Variants in PCDHA9 observed in about 807,000 individuals in gnomAD.
PCDHA9 encodes protocadherin alpha-9.
PCDHA9 carries 62 observed loss-of-function variants against 62.0 expected under a neutral mutation model. The observed-to-expected ratio is 1.00, with a 90% CI of 0.81 to 1.23. The LOEUF (loss-of-function observed/expected upper bound fraction) is 1.23. PCDHA9 is among the 50% of genes most tolerant of loss of function. The pLI is 0.00. For synonymous variants in PCDHA9, 557 were observed against 567.6 expected, an observed-to-expected ratio of 0.98 and a Z score of 0.27; for missense variants, 1,205 against 1,249.8, an observed-to-expected ratio of 0.96 and a Z score of 0.54.
At chr5:140,910,699 C>T (rs2075133738) in intron 1 of PCDHA9, among the ~76,000 whole-genome samples, 1 of 152,180 alleles carries the variant, frequency 6.6e-6, no homozygotes. Flanking sequence ...AGCTTGCTCA[C>T]AGTGGGCCAT....
intron 1 of PCDHA9, chr5:140,877,081 G>A: frequency 6.2e-7 from 1 of 1,613,120 alleles, no homozygotes; most frequent in Non-Finnish European, 8.5e-7. Flanking sequence ...CCAGGTGAGC[G>A]CGCGCGACGC....
rs556069691 is a variant in PCDHA9 at position 140,951,526 on chromosome 5, G to A, written c.2395-27423G>A. Among the ~76,000 whole-genome samples the A allele has an allele frequency of 7.4e-4, 112 of 152,076 alleles. 1 individual carries two copies. The highest frequency in any genetic ancestry group is 2.6e-3 in the African/African-American group (107 of 41,516). ...GGAAAGCGGCTCATCTTACATGGCC[G>A]GTGCAGGAGCAAGGGACGGGGGGAA... is the stretch of plus-strand genomic sequence containing the variant. On this transcript the variant is annotated intron_variant, in intron 1 of 3. Transcript: ENST00000532602.
At chr5:140,958,547 A>C (rs528303266) in intron 1 of PCDHA9, among the ~76,000 whole-genome samples, 3 of 152,308 alleles carry the variant, frequency 2.0e-5, no homozygotes, top group East Asian at 3.9e-4. Flanking sequence ...TTTATGAACC[A>C]ATAAATGTTT....
chr5:140,873,437 T>C (rs1554166716), intron 1 of PCDHA9, among the ~76,000 whole-genome samples: 1 of 152,200 alleles, frequency 6.6e-6, no homozygotes, highest in Non-Finnish European at 1.5e-5. Flanking sequence ...TTATATCACA[T>C]AAATAACAAA....
At chr5:140,891,052 A>T (rs1554184638) in intron 1 of PCDHA9, among the ~76,000 whole-genome samples, 1 of 152,200 alleles carries the variant, frequency 6.6e-6, no homozygotes, top group Non-Finnish European at 1.5e-5. Flanking sequence ...CCCACAGCAC[A>T]TAGTAAATAT....
chr5:140,875,388 G>A, intron 1 of PCDHA9: 5 of 1,468,696 alleles, frequency 3.4e-6, no homozygotes, highest in Non-Finnish European at 4.5e-6. Flanking sequence ...TGTACTTACA[G>A]AAAAGGGTGA....
chr5:140,928,125 C>T, intron 1 of PCDHA9: 2 of 1,614,154 alleles, frequency 1.2e-6, no homozygotes, highest in Non-Finnish European at 1.7e-6. Context: ...TCAGTGAATA[C>T]CAAGTCCTGA....
intron 1 of PCDHA9, chr5:140,926,516 G>C: frequency 5.0e-6 from 1 of 198,082 alleles, no homozygotes; most frequent in Non-Finnish European, 1.0e-5. Context: ...CCCAGGCTCC[G>C]CCCTGCGCCC....
intron 3 of PCDHA9, among the ~76,000 whole-genome samples, chr5:140,989,495 A>G (rs1408191575): frequency 6.6e-6 from 1 of 152,136 alleles, no homozygotes; most frequent in African/African-American, 2.4e-5. Context: ...AACAAGAAAG[A>G]CCTGCTTATA....
intron 3 of PCDHA9, among the ~76,000 whole-genome samples, chr5:140,997,106 C>T (rs2153943751): frequency 6.6e-6 from 1 of 152,162 alleles, no homozygotes; most frequent in South Asian, 2.1e-4. Context: ...CTCATGCACT[C>T]CTGCTCTCCC....
At chr5:140,914,097 A>G (rs191641220) in intron 1 of PCDHA9, among the ~76,000 whole-genome samples, 38 of 152,298 alleles carry the variant, frequency 2.5e-4, no homozygotes, top group Admixed American at 9.2e-4. Flanking sequence ...AATTTGTTCT[A>G]TAGTGCAGAT....
intron 1 of PCDHA9, chr5:140,863,718 G>A (rs2048134284): frequency 3.6e-6 from 1 of 274,680 alleles, no homozygotes; most frequent in South Asian, 3.9e-5. Flanking sequence ...ACTGGGGCCG[G>A]GTGCGGTAGC....
chr5:140,909,437 C>T (rs2074495257), intron 1 of PCDHA9, among the ~76,000 whole-genome samples: 1 of 152,198 alleles, frequency 6.6e-6, no homozygotes, highest in African/African-American at 2.4e-5. Flanking sequence ...TGATAATCCA[C>T]TGTCATTCTC....
chr5:140,948,937 T>C (rs1309849094), intron 1 of PCDHA9, among the ~76,000 whole-genome samples: 1 of 134,978 alleles, frequency 7.4e-6, no homozygotes, highest in African/African-American at 2.6e-5. Context: ...ACATTTCTTC[T>C]AATATAAAAA....
At chr5:140,910,690 G>T (rs2153515620) in intron 1 of PCDHA9, among the ~76,000 whole-genome samples, 1 of 152,224 alleles carries the variant, frequency 6.6e-6, no homozygotes, top group African/African-American at 2.4e-5. Context: ...GGCATTTCCA[G>T]CTTGCTCACA....
chr5:140,940,983 C>G lies in PCDHA9; in HGVS notation c.2395-37966C>G, dbSNP rs572659107. On this transcript the variant is annotated intron_variant, in intron 1 of 3. Coordinates refer to ENST00000532602, the MANE Select transcript of PCDHA9 (RefSeq NM_031857.2). ...ATGCAGGATATCTGGTATCTAGTTA[C>G]AAGTTTATAGGATTAAATTTTCCTT... 3.9e-5 allele frequency among the ~76,000 whole-genome samples: 6 copies of G among 152,294 alleles called. No homozygotes were observed. In the South Asian group the frequency reaches 1.0e-3, roughly 26 times the overall value.
At chr5:140,933,527 A>G (rs1324786303) in intron 1 of PCDHA9, among the ~76,000 whole-genome samples, 1 of 152,060 alleles carries the variant, frequency 6.6e-6, no homozygotes, top group African/African-American at 2.4e-5. Flanking sequence ...TTTTGTTTAA[A>G]CTCAAAATAA....
intron 2 of PCDHA9, among the ~76,000 whole-genome samples, chr5:140,980,702 G>A (rs1472407152): frequency 6.6e-6 from 1 of 151,558 alleles, no homozygotes; most frequent in Non-Finnish European, 1.5e-5. Flanking sequence ...AAAGCCAAAT[G>A]TGCTCCTATT....
At chr5:140,935,616 C>T (rs1247673748) in intron 1 of PCDHA9, among the ~76,000 whole-genome samples, 13 of 151,976 alleles carry the variant, frequency 8.6e-5, no homozygotes, top group African/African-American at 3.1e-4. Flanking sequence ...TTTTTCAAGT[C>T]GCTTTCAAAT....
Sources: allele counts gnomAD v4.1 joint callset (sites outside exome capture counted in the v4.1 genomes callset), GRCh38; gene constraint gnomAD v4.1.1; transcripts MANE v1.5; gene names NCBI Gene and HGNC (gene_info 2026-07-23, HGNC 2026-07-21).